ATRNL1: variants seen among roughly 807,000 people sequenced by gnomAD.
ATRNL1 encodes attractin like 1, also known as attractin-like protein 1.
ATRNL1 carries 95 observed loss-of-function variants against 182.7 expected under a neutral mutation model. The ratio of observed to expected loss-of-function variants is 0.52; its 90% CI spans 0.44 to 0.62. The LOEUF (loss-of-function observed/expected upper bound fraction) is 0.62. Ranked by LOEUF, ATRNL1 falls within the 20% of genes least tolerant of loss-of-function variation. ATRNL1 has a pLI of 0.00. For synonymous variants in ATRNL1, 576 were observed against 568.3 expected (o/e 1.01, Z -0.19); for missense variants, 1,471 against 1,679.5 (o/e 0.88, Z 2.17).
At chr10:115,726,005 G>A (rs1593128673) in intron 26 of ATRNL1, among the ~76,000 whole-genome samples, 1 of 152,008 alleles carries the variant, frequency 6.6e-6, no homozygotes, top group African/African-American at 2.4e-5. Flanking sequence ...ATTAACAGTT[G>A]CATTATTTCT....
At chr10:115,675,551 A>G (rs891541901) in intron 26 of ATRNL1, among the ~76,000 whole-genome samples, 1 of 152,114 alleles carries the variant, frequency 6.6e-6, no homozygotes, top group Non-Finnish European at 1.5e-5. Flanking sequence ...ATACATTGTA[A>G]TGAAGTTCCT....
intron 7 of ATRNL1, among the ~76,000 whole-genome samples, chr10:115,170,334 C>A (rs1847239676): frequency 6.6e-6 from 1 of 152,066 alleles, no homozygotes. Context: ...TGATAATTTA[C>A]ATCATTTATG....
In ATRNL1 at chr10:115,536,661, C is replaced by T. The variant is rs548134819; in HGVS notation, c.3717-12797C>T. Among the ~76,000 whole-genome samples, 13 of 152,316 alleles carry T rather than the reference C, an allele frequency of 8.5e-5. No homozygotes were observed. The East Asian group carries it at 1.4e-3, about 16-fold the overall frequency. ...CTGGCACTCCCTAGTGAGATGAACC[C>T]GGTACCTCAGATGGAAATGCAGAAA... On this transcript the variant is annotated intron_variant, in intron 25 of 28. Transcript: ENST00000355044.
chr10:115,893,827 T>C (rs1010721828), intron 28 of ATRNL1, among the ~76,000 whole-genome samples: 2 of 152,204 alleles, frequency 1.3e-5, no homozygotes, highest in Non-Finnish European at 2.9e-5. Flanking sequence ...TCTGTTGAAC[T>C]CACAGATGTT....
chr10:115,591,128 TAC>T (rs1361616657), intron 26 of ATRNL1, among the ~76,000 whole-genome samples: 3 of 152,250 alleles, frequency 2.0e-5, no homozygotes, highest in South Asian at 2.1e-4. Flanking sequence ...CATACGTGTA[TAC>T]ACACTAACAT....
At chr10:115,122,116 A>T (rs1243727043) in intron 3 of ATRNL1, among the ~76,000 whole-genome samples, 2 of 151,928 alleles carry the variant, frequency 1.3e-5, no homozygotes. Context: ...ATCTGGATAT[A>T]TTAGCGTGAG....
chr10:115,466,714 A>G (rs1848068121), intron 22 of ATRNL1, among the ~76,000 whole-genome samples: 1 of 151,140 alleles, frequency 6.6e-6, no homozygotes, highest in Admixed American at 6.6e-5. Context: ...TTTTCCCACT[A>G]GAAAATATGG....
rs1042774726 is a variant in ATRNL1 at position 115,358,504 on chromosome 10, G to T, written c.3175+24085G>T. Among the ~76,000 whole-genome samples the T allele has an allele frequency of 1.2e-4, 18 of 151,442 alleles. No homozygotes were observed. In the East Asian group the frequency reaches 2.9e-3, roughly 24 times the overall value. ...ATTTTCCTTGTCAGTTAAGCTCCAA[G>T]CATTATATCTAAAAATGTGGATAAT... On this transcript the variant is annotated intron_variant, in intron 19 of 28. Transcript: ENST00000355044.
At chr10:115,232,965 T>C (rs775236647) in intron 9 of ATRNL1, among the ~76,000 whole-genome samples, 1 of 152,118 alleles carries the variant, frequency 6.6e-6, no homozygotes, top group Non-Finnish European at 1.5e-5. Context: ...GAAATCCAGG[T>C]GTCAGCAGGG....
At chr10:115,414,711 C>T (rs634553) in intron 20 of ATRNL1, among the ~76,000 whole-genome samples, 57,744 of 151,468 alleles carry the variant, frequency 0.38, 12,183 homozygotes, top group African/African-American at 0.57. Flanking sequence ...TGTCTATGTG[C>T]GTATCTTATA....
chr10:115,783,821 T>G lies in ATRNL1; in HGVS notation c.3903+56466T>G, dbSNP rs2134194991. On this transcript the variant is annotated intron_variant, in intron 27 of 28. Transcript: ENST00000355044. ...TGAGGTCAAGAGATTGAGACCATCC[T>G]GGCCAACACAGTGTAACCCCGTCTC... Among the ~76,000 whole-genome samples, 3 of 152,224 alleles carry G rather than the reference T, an allele frequency of 2.0e-5. No individual in the cohort carries two copies. In the South Asian group the frequency reaches 6.2e-4, roughly 32 times the overall value.
In ATRNL1 at chr10:115,736,463, T is replaced by G. The variant is rs541951060; in HGVS notation, c.3903+9108T>G. Among the ~76,000 whole-genome samples the G allele has an allele frequency of 2.6e-5, 4 of 152,248 alleles. No individual in the cohort carries two copies. The South Asian group carries it at 6.2e-4, about 24-fold the overall frequency. Reference sequence around the variant, plus strand: ...CCTTACTGTTTTCATTACTTCATTTTTCATTCCGAATAAAATTATTTTTAC... The same window carrying G: ...CCTTACTGTTTTCATTACTTCATTTGTCATTCCGAATAAAATTATTTTTAC... On this transcript the variant is annotated intron_variant, in intron 27 of 28. Coordinates refer to ENST00000355044, the MANE Select transcript of ATRNL1 (RefSeq NM_207303.4).
chr10:115,202,701 G>C (rs187841157), intron 8 of ATRNL1, among the ~76,000 whole-genome samples: 1 of 143,298 alleles, frequency 7.0e-6, no homozygotes, highest in Non-Finnish European at 1.5e-5. Flanking sequence ...CTCTTTTTTG[G>C]TTGTGTCTCT....
rs548393810 is a variant in ATRNL1 at position 115,385,965 on chromosome 10, T to A, written c.3176-8694T>A. Among the ~76,000 whole-genome samples, 4 of 152,322 alleles carry A rather than the reference T, an allele frequency of 2.6e-5. No homozygotes were observed. The South Asian group carries it at 6.2e-4, about 24-fold the overall frequency. ...ACCAAACTTTCTTAATTGCTATGGT[T>A]TTAAAGCACATCTTGAAATTATGTC... On this transcript the variant is annotated intron_variant, in intron 19 of 28. Coordinates refer to ENST00000355044, the MANE Select transcript of ATRNL1 (RefSeq NM_207303.4).
intron 10 of ATRNL1, among the ~76,000 whole-genome samples, chr10:115,264,594 C>T (rs138991551): frequency 6.6e-6 from 1 of 151,534 alleles, no homozygotes; most frequent in Non-Finnish European, 1.5e-5. Flanking sequence ...TTTTTCTTAA[C>T]CACTTTCCAT....
At chr10:115,584,146 G>A (rs12356707) in intron 26 of ATRNL1, among the ~76,000 whole-genome samples, 63,871 of 149,118 alleles carry the variant, frequency 0.43, 14,335 homozygotes, top group Middle Eastern at 0.55. Context: ...TGCTGGATTC[G>A]GTTTGCCAGT....
chr10:115,862,885 C>T (rs1243206932), intron 28 of ATRNL1, among the ~76,000 whole-genome samples: 1 of 152,042 alleles, frequency 6.6e-6, no homozygotes, highest in East Asian at 1.9e-4. Context: ...ACAAGGAAGA[C>T]CTTGAGAAAC....
intron 21 of ATRNL1, among the ~76,000 whole-genome samples, chr10:115,451,417 A>C (rs1847274769): frequency 6.6e-6 from 1 of 152,184 alleles, no homozygotes; most frequent in Non-Finnish European, 1.5e-5. Context: ...ATTTTCAAGA[A>C]AGAAACAAGC....
intron 26 of ATRNL1, among the ~76,000 whole-genome samples, chr10:115,700,254 A>G (rs1946690204): frequency 6.6e-6 from 1 of 151,878 alleles, no homozygotes; most frequent in Non-Finnish European, 1.5e-5. Flanking sequence ...GTTCTTTGAG[A>G]AATCTTCAAA....
Sources: allele counts gnomAD v4.1 joint callset (sites outside exome capture counted in the v4.1 genomes callset), GRCh38; gene constraint gnomAD v4.1.1; transcripts MANE v1.5; gene names NCBI Gene and HGNC (gene_info 2026-07-23, HGNC 2026-07-21).